Variants in ARPP21 observed in about 807,000 individuals in gnomAD.
The protein encoded by ARPP21 is cAMP regulated phosphoprotein 21, also known as cAMP-regulated phosphoprotein 21.
In ARPP21, 69 loss-of-function variants were observed where a neutral mutation model predicts 113.2. That is an observed-to-expected ratio of 0.61 (90% CI 0.50 to 0.74). The LOEUF is 0.74. ARPP21 is among the 30% of genes least tolerant of loss of function. The pLI is 0.00. For synonymous variants in ARPP21, 368 were observed against 375.5 expected (o/e 0.98, Z 0.23); for missense variants, 1,070 against 1,037.4 (o/e 1.03, Z -0.43).
intron 1 of ARPP21, among the ~76,000 whole-genome samples, chr3:35,668,700 C>A (rs558137664): frequency 6.6e-6 from 1 of 152,202 alleles, no homozygotes; most frequent in South Asian, 2.1e-4. Flanking sequence ...CTAATAATGC[C>A]TTGTGAGACT....
chr3:35,717,743 A>G (rs1184295785), intron 13 of ARPP21, among the ~76,000 whole-genome samples: 2 of 152,132 alleles, frequency 1.3e-5, no homozygotes, highest in Non-Finnish European at 2.9e-5. Context: ...TTGGGCAACT[A>G]ATTTTTAATT....
intron 19 of ARPP21, among the ~76,000 whole-genome samples, chr3:35,769,030 TTCTC>T (rs2096093423): frequency 6.6e-6 from 1 of 152,274 alleles, no homozygotes; most frequent in Non-Finnish European, 1.5e-5. Context: ...AGAAATTTCT[TTCTC>T]TCTCTTCCTC....
chr3:35,658,547 A>G (rs1258485708), intron 1 of ARPP21, among the ~76,000 whole-genome samples: 2 of 152,116 alleles, frequency 1.3e-5, no homozygotes, highest in Non-Finnish European at 2.9e-5. Context: ...AAATCTAAAA[A>G]TGATATGCAA....
intron 14 of ARPP21, among the ~76,000 whole-genome samples, chr3:35,727,688 C>T (rs1576354746): frequency 6.6e-6 from 1 of 152,154 alleles, no homozygotes. Context: ...TCGTGTACTA[C>T]ATTCTTGCAA....
chr3:35,685,128 G>A, intron 5 of ARPP21: 1 of 985,468 alleles, frequency 1.0e-6, no homozygotes, highest in South Asian at 4.7e-5. Flanking sequence ...ATGCCAGGCA[G>A]AGAAGGACAG....
At chr3:35,654,738 G>A (rs916200973) in intron 1 of ARPP21, among the ~76,000 whole-genome samples, 2 of 152,128 alleles carry the variant, frequency 1.3e-5, no homozygotes, top group Non-Finnish European at 2.9e-5. Flanking sequence ...CAAGGAGTCA[G>A]TTTCTCAGAT....
chr3:35,768,672 T>G (rs2096075469), intron 19 of ARPP21, among the ~76,000 whole-genome samples: 1 of 152,160 alleles, frequency 6.6e-6, no homozygotes, highest in Non-Finnish European at 1.5e-5. Context: ...ATGTTGAGTT[T>G]TACATTTTTA....
chr3:35,639,956 C>G lies in ARPP21; in HGVS notation c.-655C>G, dbSNP rs143106608. The G allele has an allele frequency of 0.012, 1,763 of 152,420 alleles. 16 individuals are homozygous for G. The highest frequency in any genetic ancestry group is 0.037 in the Middle Eastern group (11 of 294). 9.4% of individuals were successfully genotyped at this position (152,420 alleles called of 1,614,324 possible). A position where few individuals can be genotyped will look rare whatever the true frequency, so the allele number is the denominator to read the frequency against. On this transcript the variant is annotated 5_prime_UTR_variant, in exon 1 of 21. Transcript: ENST00000684406. The surrounding 1 kb of genome is among the most constrained non-coding windows in gnomAD (Gnocchi z 5.0). ...CGCGCCGAGCTGCTAGTCGGACCCACAGACGGTCGGACTGACAGACGTGCA... is the reference window on the plus strand; with the variant it reads ...CGCGCCGAGCTGCTAGTCGGACCCAGAGACGGTCGGACTGACAGACGTGCA...
chr3:35,718,089 A>G (rs1027123085), intron 13 of ARPP21, among the ~76,000 whole-genome samples: 1 of 152,182 alleles, frequency 6.6e-6, no homozygotes, highest in African/African-American at 2.4e-5. Flanking sequence ...CCGTTGCAGG[A>G]ATTACTACAA....
rs1336235106 is a variant in ARPP21 at position 35,710,886 on chromosome 3, C to T, written c.897+1816C>T. ...TTGCATTTCCTTACAACCTTGTTAA[C>T]GAGATTAACAGCTGGGGATCTGGGT... On this transcript the variant is annotated intron_variant, in intron 11 of 20. Coordinates refer to ENST00000684406, the MANE Select transcript of ARPP21 (RefSeq NM_001385562.1). Among the ~76,000 whole-genome samples the T allele has an allele frequency of 2.6e-5, 4 of 152,244 alleles. No homozygotes were observed. In the South Asian group the frequency reaches 8.3e-4, roughly 32 times the overall value.
At chr3:35,668,011 G>GAAA (rs1242791399) in intron 1 of ARPP21, among the ~76,000 whole-genome samples, 20 of 150,094 alleles carry the variant, frequency 1.3e-4, no homozygotes, top group African/African-American at 4.7e-4. Context: ...AGAAGAAGAA[G>GAAA]AAGAAGAAGA....
chr3:35,661,689 AGTACTTTT>A (rs1707875353), intron 1 of ARPP21, among the ~76,000 whole-genome samples: 2 of 152,182 alleles, frequency 1.3e-5, no homozygotes, highest in South Asian at 4.1e-4. Context: ...CTCTCAAAAG[AGTACTTTT>A]GTAGGCAACA....
In ARPP21 at chr3:35,792,433, T is replaced by C. The variant is rs751197003; in HGVS notation, c.2189T>C (p.Val730Ala). The C allele has an allele frequency of 6.2e-7, 1 of 1,613,750 alleles. No individual in the cohort carries two copies. The highest frequency in any genetic ancestry group is 2.2e-5 in the East Asian group (1 of 44,846). Residue 730 changes from valine to alanine, a missense_variant, in exon 20 of 21, where the codon GTG (valine) becomes GCG (alanine). Val to Ala is a moderately conservative substitution (Grantham distance 64, BLOSUM62 0). Transcript: ENST00000684406. Reference sequence around the variant, plus strand: ...CAGGGATTCCAAGGCCTAATAGGAGTGCAGCAGCCACCTCAGAGTCAGAAC... The same window carrying C: ...CAGGGATTCCAAGGCCTAATAGGAGCGCAGCAGCCACCTCAGAGTCAGAAC... Reference protein sequence around the residue: ...GQQGFQGLIGVQQPPQSQNVI... With the variant: ...GQQGFQGLIGAQQPPQSQNVI...
chr3:35,718,165 T>C (rs561472165), intron 13 of ARPP21, among the ~76,000 whole-genome samples: 39 of 152,306 alleles, frequency 2.6e-4, no homozygotes, highest in Non-Finnish European at 4.9e-4. Context: ...ATGAATTGAA[T>C]GTTGAGAAAG....
At chr3:35,722,367 A>C (rs369209058) in intron 14 of ARPP21, among the ~76,000 whole-genome samples, 4 of 152,206 alleles carry the variant, frequency 2.6e-5, no homozygotes, top group African/African-American at 9.7e-5. Context: ...GTTTTTAACC[A>C]TTCTGTGCCT....
chr3:35,739,575 C>CAGGT lies in ARPP21; in HGVS notation c.2010+3_2010+6dup. On this transcript the variant is annotated frameshift_variant and splice_region_variant, in exon 18 of 21. Transcript: ENST00000684406. LOFTEE classifies it high-confidence loss of function. ...ATTTGTGCAACAGCCTCCGCCTGCA[C>CAGGT]AGGTAGGTGTGCTTCCTCATGCCTG... The CAGGT allele has an allele frequency of 3.5e-5, 56 of 1,608,870 alleles. No homozygotes were observed. The African/African-American group carries it at 6.7e-4, about 19-fold the overall frequency.
chr3:35,664,013 G>A (rs2149197258), intron 1 of ARPP21, among the ~76,000 whole-genome samples: 1 of 152,300 alleles, frequency 6.6e-6, no homozygotes, highest in Admixed American at 6.5e-5. Flanking sequence ...CGTGTTCTTG[G>A]CAAATTTTCA....
At chr3:35,749,344 A>C (rs2095313049) in intron 19 of ARPP21, among the ~76,000 whole-genome samples, 1 of 151,098 alleles carries the variant, frequency 6.6e-6, no homozygotes, top group Admixed American at 6.6e-5. Flanking sequence ...ATGGTTTCCA[A>C]CTCCAAATTT....
intron 9 of ARPP21, among the ~76,000 whole-genome samples, chr3:35,691,443 G>A (rs1362142750): frequency 6.6e-6 from 1 of 151,438 alleles, no homozygotes; most frequent in Admixed American, 6.6e-5. Flanking sequence ...GTAATAAAAA[G>A]CTCCGAACCT....
Sources: allele counts gnomAD v4.1 joint callset (sites outside exome capture counted in the v4.1 genomes callset), GRCh38; gene constraint gnomAD v4.1.1; non-coding constraint Gnocchi (gnomAD v3.1); transcripts MANE v1.5; gene names NCBI Gene and HGNC (gene_info 2026-07-23, HGNC 2026-07-21).